The following HVCN1 variants were observed in gnomAD, a reference collection of about 807,000 sequenced individuals.
The protein encoded by HVCN1 is hydrogen voltage gated channel 1.
Under a neutral mutation model 29.2 loss-of-function variants are expected in HVCN1, and 14 were observed. The ratio of observed to expected loss-of-function variants is 0.48; its 90% CI spans 0.32 to 0.75. The LOEUF (loss-of-function observed/expected upper bound fraction) is 0.75, where lower values mean the gene tolerates loss of function less well. Ranked by LOEUF, HVCN1 falls within the 30% of genes least tolerant of loss-of-function variation. HVCN1 has a pLI of 0.04. For missense variants in HVCN1, 263 were observed against 341.8 expected, an observed-to-expected ratio of 0.77 and a Z score of 1.82; for synonymous variants, 131 against 133.2, an observed-to-expected ratio of 0.98 and a Z score of 0.11.
chr12:110,680,431 A>G (rs912649424), intron 3 of HVCN1, among the ~76,000 whole-genome samples: 2 of 151,988 alleles, frequency 1.3e-5, no homozygotes, highest in Non-Finnish European at 1.5e-5. Context: ...ACTCAAATGC[A>G]TACCCCCAGC....
At chr12:110,700,739 T>C (rs1267804027) in intron 2 of HVCN1, among the ~76,000 whole-genome samples, 6 of 152,206 alleles carry the variant, frequency 3.9e-5, no homozygotes. Flanking sequence ...ATTACAGGCA[T>C]GAGCCACCAC....
chr12:110,673,170 G>A (rs2068639763), intron 3 of HVCN1, among the ~76,000 whole-genome samples: 1 of 152,222 alleles, frequency 6.6e-6, no homozygotes, highest in South Asian at 2.1e-4. Flanking sequence ...ATAAGGTCCA[G>A]GCTGAGGTGG....
chr12:110,659,184 A>C (rs2068084274), intron 4 of HVCN1, among the ~76,000 whole-genome samples: 1 of 150,414 alleles, frequency 6.6e-6, no homozygotes, highest in Admixed American at 6.6e-5. Context: ...AGAGTGGGGA[A>C]AAAAAAAGAC....
chr12:110,685,672 C>CT lies in HVCN1; in HGVS notation c.-19-2409dup, dbSNP rs963194080. Among the ~76,000 whole-genome samples, 350 of 148,814 alleles carry CT rather than the reference C, an allele frequency of 2.4e-3. 2 individuals carry two copies. The highest frequency in any genetic ancestry group is 7.7e-3 in the African/African-American group (311 of 40,638). On this transcript the variant is annotated intron_variant, in intron 2 of 7. Coordinates refer to ENST00000242607, the MANE Select transcript of HVCN1 (RefSeq NM_032369.4). ...GCTTCCATAAATAACCCTGCACACC[C>CT]TTTTTTTTTTGTTGTTGTTGTTTTG... is the stretch of plus-strand genomic sequence containing the variant.
chr12:110,700,005 G>A (rs1474587483), intron 2 of HVCN1, among the ~76,000 whole-genome samples: 1 of 152,166 alleles, frequency 6.6e-6, no homozygotes, highest in Non-Finnish European at 1.5e-5. Context: ...TCAGGCAGGA[G>A]GACCCAGGAG....
In HVCN1 at chr12:110,651,330, A is replaced by G. The variant is rs1187065754; in HGVS notation, c.530T>C (p.Val177Ala). 3 of 1,613,826 alleles carry G rather than the reference A, an allele frequency of 1.9e-6. No homozygotes were observed. The highest frequency in any genetic ancestry group is 1.3e-5 in the African/African-American group (1 of 75,050). Reference sequence around the variant, plus strand: ...GTCGAGGATGAATGAGACCACCACCACGACGGCATCCAGGATCTCAAACTT... The same window carrying G: ...GTCGAGGATGAATGAGACCACCACCGCGACGGCATCCAGGATCTCAAACTT... ...HHKFEILDAVVVVVSFILDIV... is the reference protein window; with the variant it reads ...HHKFEILDAVAVVVSFILDIV... Residue 177 changes from valine to alanine, a missense_variant, in exon 6 of 8, where the codon GTG (valine) becomes GCG (alanine). Val to Ala is a moderately conservative substitution (Grantham distance 64). Transcript: ENST00000242607.
chr12:110,671,903 C>T (rs892394628), intron 3 of HVCN1, among the ~76,000 whole-genome samples: 3 of 152,262 alleles, frequency 2.0e-5, no homozygotes, highest in Admixed American at 6.5e-5. Context: ...CCTGGGGAGG[C>T]GAGACCACTT....
chr12:110,649,997 C>T (rs2067723226), intron 7 of HVCN1, among the ~76,000 whole-genome samples, 171 bp downstream of exon 7: 1 of 152,170 alleles, frequency 6.6e-6, no homozygotes, highest in South Asian at 2.1e-4. Flanking sequence ...AGGCATGTGC[C>T]ACCATGCACA....
intron 3 of HVCN1, among the ~76,000 whole-genome samples, chr12:110,667,802 C>G (rs867738422): frequency 2.6e-5 from 4 of 152,166 alleles, no homozygotes; most frequent in African/African-American, 9.7e-5. Flanking sequence ...AGTGTGGGAA[C>G]CTCAAGGTAC....
At position 110,648,796 on chromosome 12, in the gene HVCN1, GTTTATTTTATACAGTAGTTGT is replaced by G. The variant is rs1168597717; in HGVS notation, c.*593_*613del. The G allele has an allele frequency of 3.8e-4, 116 of 309,302 alleles. No individual in the cohort carries two copies. The highest frequency in any genetic ancestry group is 2.4e-3 in the African/African-American group (105 of 43,274). The allele number at this position is 309,302 out of a possible 1,614,324, so 19.2% of individuals were successfully genotyped here. A position where few individuals can be genotyped will look rare whatever the true frequency, so the allele number is the denominator to read the frequency against. On this transcript the variant is annotated 3_prime_UTR_variant, in exon 8 of 8. Coordinates refer to ENST00000242607, the MANE Select transcript of HVCN1 (RefSeq NM_032369.4). ...TAGGAGGGTCCAGGGAAAAGAGAGA[GTTTATTTTATACAGTAGTTGT>G]TTTATTTTATACAGTAGTTGTACAG...
At chr12:110,680,948 A>C (rs963767916) in intron 3 of HVCN1, among the ~76,000 whole-genome samples, 2 of 152,114 alleles carry the variant, frequency 1.3e-5, no homozygotes, top group African/African-American at 2.4e-5. Flanking sequence ...AAAACAAAAA[A>C]AGGCAGCAGA....
At chr12:110,695,749 A>T (rs2069479104) in intron 2 of HVCN1, among the ~76,000 whole-genome samples, 1 of 152,176 alleles carries the variant, frequency 6.6e-6, no homozygotes, top group African/African-American at 2.4e-5. Flanking sequence ...CAGAAGAGAG[A>T]ACAGCATGTG....
chr12:110,650,217 A>G lies in HVCN1; in HGVS notation c.707T>C (p.Val236Ala), dbSNP rs2136234963. Residue 236 changes from valine to alanine, a missense_variant, in exon 7 of 8, where the codon GTA (valine) becomes GCA (alanine). By Grantham distance (64) the Val-to-Ala change is moderately conservative. Around this residue, in one of 3 missense-constraint regions of HVCN1, gnomAD observed 51 missense variants for 51.1 expected, o/e 1.00. Transcript: ENST00000242607. ...RQLLRLKQMN[V>A]QLAAKIQHLE... ...GTGTTGAATCTTGGCGGCCAATTGTACATTCATCTGTTTTAACCTTAAGAG... is the reference window on the plus strand; with the variant it reads ...GTGTTGAATCTTGGCGGCCAATTGTGCATTCATCTGTTTTAACCTTAAGAG... The G allele has an allele frequency of 3.1e-6, 5 of 1,613,682 alleles. No homozygotes were observed. The highest frequency in any genetic ancestry group is 1.3e-5 in the African/African-American group (1 of 75,016).
At position 110,683,233 on chromosome 12, in the gene HVCN1, C is replaced by A. The variant is rs559851829; in HGVS notation, c.13G>T (p.Asp5Tyr). ...ACCACAGAATCCATTACCTTTTCGTCCCAGGTGGCCATGTCCCTGTTGCCT... is the reference window on the plus strand; with the variant it reads ...ACCACAGAATCCATTACCTTTTCGTACCAGGTGGCCATGTCCCTGTTGCCT... Reference protein sequence around the residue: MATWDEKAVTRRAKV... With the variant: MATWYEKAVTRRAKV... Residue 5 changes from aspartate (D) to tyrosine (Y), a missense_variant, in exon 3 of 8, where the codon GAC becomes TAC. Asp to Tyr is a radical substitution (Grantham distance 160). This residue lies in a region of HVCN1 where 157 missense variants were observed against 181.3 expected (regional missense o/e 0.87). Transcript: ENST00000242607. 9 of 1,612,074 alleles carry A rather than the reference C, an allele frequency of 5.6e-6. 1 individual carries two copies. The South Asian group carries it at 8.8e-5, about 16-fold the overall frequency.
intron 2 of HVCN1, among the ~76,000 whole-genome samples, chr12:110,701,075 G>C (rs1566073729): frequency 6.6e-6 from 1 of 152,232 alleles, no homozygotes. Flanking sequence ...GCCACAGGAT[G>C]GAGAAACAGA....
chr12:110,660,334 A>C (rs938609024), intron 4 of HVCN1, among the ~76,000 whole-genome samples: 6 of 152,204 alleles, frequency 3.9e-5, no homozygotes, highest in Non-Finnish European at 8.8e-5. Flanking sequence ...CTCGTCTGTG[A>C]GGACCACCCC....
At chr12:110,677,713 TTAAA>T (rs1287550741) in intron 3 of HVCN1, among the ~76,000 whole-genome samples, 2 of 152,114 alleles carry the variant, frequency 1.3e-5, no homozygotes, top group Non-Finnish European at 1.5e-5. Flanking sequence ...AGGGAAGTCT[TTAAA>T]TAAGTGTAGA....
intron 1 of HVCN1, chr12:110,704,737 G>A (rs566268380): frequency 2.0e-5 from 3 of 152,360 alleles, no homozygotes; most frequent in African/African-American, 7.2e-5. Flanking sequence ...CTAAAGCACT[G>A]TCACTGTAAA....
chr12:110,672,935 G>A (rs778715608), intron 3 of HVCN1, among the ~76,000 whole-genome samples: 13 of 152,130 alleles, frequency 8.5e-5, no homozygotes, highest in Admixed American at 2.6e-4. Context: ...TCTCAGGTGC[G>A]TCTTTATCAG....
Sources: gnomAD v4.1 joint callset for allele counts (sites outside exome capture counted in the v4.1 genomes callset) on GRCh38, gnomAD v4.1.1 for gene constraint, gnomAD v4.1.1 regional missense constraint, MANE v1.5 for transcripts, NCBI Gene and HGNC (gene_info 2026-07-23, HGNC 2026-07-21) for gene names.